The following PCSK6 variants were observed in gnomAD, a reference collection of about 807,000 sequenced individuals.
The protein encoded by PCSK6 is proprotein convertase subtilisin/kexin type 6, also known as paired basic amino acid cleaving enzyme 4.
A neutral mutation model predicts 123.3 loss-of-function variants in PCSK6; 85 were observed. The observed-to-expected ratio is 0.69, with a 90% CI of 0.58 to 0.83. PCSK6 has a LOEUF of 0.83. Among genes scored for constraint, PCSK6 ranks in the 40% least tolerant of loss-of-function variants. PCSK6 has a pLI of 0.00. For synonymous variants in PCSK6, 508 were observed against 516.0 expected (o/e 0.98, Z 0.21); for missense variants, 1,191 against 1,282.3 (o/e 0.93, Z 1.09).
chr15:101,345,897 A>C (rs2040718415), intron 13 of PCSK6, among the ~76,000 whole-genome samples: 3 of 152,148 alleles, frequency 2.0e-5, no homozygotes, highest in Non-Finnish European at 4.4e-5. Flanking sequence ...CAAACTCCTG[A>C]CCTCAGGTGA....
chr15:101,318,566 G>A (rs963938765), intron 18 of PCSK6, 144 bp from the exon 19 acceptor site: 46 of 718,606 alleles, frequency 6.4e-5, no homozygotes, highest in Middle Eastern at 2.4e-4. Context: ...AAGGAAAGTC[G>A]GGAAAGCCAT....
At chr15:101,333,925 G>A (rs952680074) in intron 13 of PCSK6, among the ~76,000 whole-genome samples, 4 of 152,180 alleles carry the variant, frequency 2.6e-5, no homozygotes, top group Non-Finnish European at 5.9e-5. Flanking sequence ...AGCCTCAACT[G>A]GCTAAGTACT....
Position 101,438,626 on chromosome 15 carries a change from T to G in PCSK6, c.402+4930A>C, listed in dbSNP as rs142290975. ...CGTCAGTCCGCCTTCCCATCGCCTC[T>G]CCTCTGGTTCTGGAACACTGAACGC... On this transcript the variant is annotated intron_variant, in intron 2 of 21. Coordinates refer to ENST00000611716, the MANE Select transcript of PCSK6 (RefSeq NM_002570.5). 5.3e-3 allele frequency among the ~76,000 whole-genome samples: 810 copies of G among 152,310 alleles called. 6 individuals are homozygous for G. Among genetic ancestry groups the G allele is most frequent in the Middle Eastern group, 0.014 (4 of 294 alleles).
At chr15:101,347,204 C>G (rs1567155480) in intron 13 of PCSK6, 1 of 1,231,650 alleles carries the variant, frequency 8.1e-7, no homozygotes, top group Non-Finnish European at 1.0e-6. Context: ...GTCTTCCTTT[C>G]TAGCATCAAG....
In PCSK6 at chr15:101,483,959, G is replaced by C. The variant is rs114242867; in HGVS notation, c.297+5415C>G. 3.4e-3 allele frequency among the ~76,000 whole-genome samples: 523 copies of C among 152,332 alleles called. 2 individuals are homozygous for C. Among genetic ancestry groups the C allele is most frequent in the African/African-American group, 0.011 (454 of 41,562 alleles). On this transcript the variant is annotated intron_variant, in intron 1 of 21. Transcript: ENST00000611716. The stretch of plus-strand genomic sequence containing the variant: ...AAGCACCATGCGGTAGGTGTACCAT[G>C]TGCATCTCCCTTTTCTTTTTTCTCT...
intron 10 of PCSK6, chr15:101,384,093 A>G: frequency 1.0e-6 from 1 of 983,360 alleles, no homozygotes; most frequent in Non-Finnish European, 1.2e-6. Flanking sequence ...CCAAAGTTAT[A>G]GAGTATAGGA....
intron 14 of PCSK6, 55 bp from the exon 15 acceptor site, chr15:101,331,744 C>T: frequency 6.2e-7 from 1 of 1,600,670 alleles, no homozygotes; most frequent in Non-Finnish European, 8.5e-7. Context: ...GAGAGACACA[C>T]AACCATCAGC....
intron 13 of PCSK6, among the ~76,000 whole-genome samples, chr15:101,337,824 AT>A (rs961867411): frequency 1.8e-4 from 27 of 151,716 alleles, no homozygotes; most frequent in African/African-American, 5.6e-4. Context: ...CTGTTAAAAC[AT>A]TTTTTTTTAC....
chr15:101,485,775 G>C (rs1430809457), intron 1 of PCSK6, among the ~76,000 whole-genome samples: 1 of 152,064 alleles, frequency 6.6e-6, no homozygotes, highest in African/African-American at 2.4e-5. Context: ...AGAGTTGTCT[G>C]AGGTATTCCT....
chr15:101,364,064 CTTCTT>C (rs551584312), intron 13 of PCSK6, among the ~76,000 whole-genome samples: 5 of 152,142 alleles, frequency 3.3e-5, no homozygotes, highest in Non-Finnish European at 5.9e-5. Flanking sequence ...AGTCAACACT[CTTCTT>C]TTCTCCTAAA....
At chr15:101,476,964 T>A (rs941742715) in intron 1 of PCSK6, among the ~76,000 whole-genome samples, 1 of 152,070 alleles carries the variant, frequency 6.6e-6, no homozygotes, top group African/African-American at 2.4e-5. Flanking sequence ...CCAGGGCATG[T>A]GGGGCGGGGA....
At chr15:101,369,196 G>T (rs1244961745) in intron 12 of PCSK6, among the ~76,000 whole-genome samples, 2 of 152,198 alleles carry the variant, frequency 1.3e-5, no homozygotes, top group Non-Finnish European at 2.9e-5. Flanking sequence ...GCAGTGCTGT[G>T]GGGGGCACAG....
rs538687218 is a variant in PCSK6 at position 101,465,083 on chromosome 15, T to C, written c.298-21423A>G. ...CTACTGGGTCTGCTGAGCAGAACCA[T>C]AGTGGGGATTTGCAACATCATCCAG... On this transcript the variant is annotated intron_variant, in intron 1 of 21. Coordinates refer to ENST00000611716, the MANE Select transcript of PCSK6 (RefSeq NM_002570.5). 1.4e-4 allele frequency among the ~76,000 whole-genome samples: 21 copies of C among 152,226 alleles called. No homozygotes were observed. In the South Asian group the frequency reaches 2.5e-3, roughly 18 times the overall value.
intron 6 of PCSK6, among the ~76,000 whole-genome samples, chr15:101,399,683 G>T (rs554908023): frequency 6.6e-6 from 1 of 152,148 alleles, no homozygotes; most frequent in Non-Finnish European, 1.5e-5. Flanking sequence ...GGGGAAGCAG[G>T]GGGTAATGAC....
chr15:101,355,972 C>G (rs1368022150), intron 13 of PCSK6, among the ~76,000 whole-genome samples: 1 of 152,166 alleles, frequency 6.6e-6, no homozygotes, highest in East Asian at 1.9e-4. Flanking sequence ...GAGAGGAGAC[C>G]CAGCGCAGAG....
intron 1 of PCSK6, among the ~76,000 whole-genome samples, chr15:101,472,609 G>A (rs533137066): frequency 6.6e-6 from 1 of 152,324 alleles, no homozygotes; most frequent in Admixed American, 6.5e-5. Context: ...ACTCCACTGA[G>A]GAGGTCAGTT....
chr15:101,338,876 G>A (rs2040540840), intron 13 of PCSK6, among the ~76,000 whole-genome samples: 1 of 152,170 alleles, frequency 6.6e-6, no homozygotes, highest in Non-Finnish European at 1.5e-5. Flanking sequence ...GAGAGGCAGA[G>A]GATAATCCAC....
chr15:101,394,530 A>G (rs1398340538), intron 7 of PCSK6, among the ~76,000 whole-genome samples: 1 of 152,064 alleles, frequency 6.6e-6, no homozygotes, highest in African/African-American at 2.4e-5. Context: ...GCCAGCATCC[A>G]CCTCCACGGG....
chr15:101,416,431 T>G (rs2055889455), intron 6 of PCSK6, among the ~76,000 whole-genome samples: 1 of 152,240 alleles, frequency 6.6e-6, no homozygotes, highest in Non-Finnish European at 1.5e-5. Context: ...AGCATAAAAG[T>G]TCAGAAAATC....
Sources: gnomAD v4.1 joint callset for allele counts (sites outside exome capture counted in the v4.1 genomes callset) on GRCh38, gnomAD v4.1.1 for gene constraint, MANE v1.5 for transcripts, NCBI Gene and HGNC (gene_info 2026-07-23, HGNC 2026-07-21) for gene names.